The following RHBDD1 variants were observed in gnomAD, a reference collection of about 807,000 sequenced individuals.
The protein encoded by RHBDD1 is rhomboid domain containing 1.
A neutral mutation model predicts 36.3 loss-of-function variants in RHBDD1; 38 were observed. The observed-to-expected ratio is 1.05, with a 90% confidence interval of 0.81 to 1.37. The LOEUF (loss-of-function observed/expected upper bound fraction) is 1.37. Ranked by LOEUF, RHBDD1 falls within the 40% of genes most tolerant of loss-of-function variation. The pLI, the probability that RHBDD1 is intolerant of heterozygous loss-of-function variation, is 0.00. For synonymous variants in RHBDD1, 151 were observed against 136.5 expected (o/e 1.11, Z -0.74); for missense variants, 393 against 377.6 (o/e 1.04, Z -0.34).
intron 5 of RHBDD1, among the ~76,000 whole-genome samples, chr2:226,867,962 C>T (rs560905942): frequency 6.6e-5 from 10 of 152,250 alleles, no homozygotes; most frequent in East Asian, 1.9e-4. Flanking sequence ...TGTGATCTGC[C>T]GGCCTTGGCC....
chr2:226,878,198 T>C (rs1377962309), intron 5 of RHBDD1, among the ~76,000 whole-genome samples: 1 of 152,132 alleles, frequency 6.6e-6, no homozygotes, highest in African/African-American at 2.4e-5. Context: ...GAGCTTCATG[T>C]AGTTAGGGAT....
chr2:226,849,278 T>A (rs988245260), intron 3 of RHBDD1, among the ~76,000 whole-genome samples: 1 of 152,196 alleles, frequency 6.6e-6, no homozygotes, highest in Non-Finnish European at 1.5e-5. Flanking sequence ...CTCCAAGGTA[T>A]AAGGAAAACA....
intron 5 of RHBDD1, among the ~76,000 whole-genome samples, chr2:226,887,115 A>G (rs1320531908): frequency 6.6e-6 from 1 of 152,146 alleles, no homozygotes; most frequent in East Asian, 1.9e-4. Context: ...TTTGAGGATG[A>G]TGTATATTTT....
rs1017204610 is a variant in RHBDD1, at chr2:226,922,202, CT to C, written c.856+7874del. Among the ~76,000 whole-genome samples, 909 of 105,026 alleles carry C rather than the reference CT, an allele frequency of 8.7e-3. 2 individuals carry two copies. Among genetic ancestry groups the C allele is most frequent in the African/African-American group, 0.031 (800 of 26,186 alleles). The allele number at this position is 105,026 out of a possible 152,430, so 68.9% of individuals were successfully genotyped here. A position where few individuals can be genotyped will look rare whatever the true frequency, so the allele number is the denominator to read the frequency against. ...TCCACTGGAATTAAGTATCTTTTTC[CT>C]TTTTTTTTTTTTTTTTTTTTTTGAG... On this transcript the variant is annotated intron_variant, in intron 8 of 8. Transcript: ENST00000392062.
chr2:226,975,794 A>G (rs1286516704), intron 8 of RHBDD1, among the ~76,000 whole-genome samples: 1 of 152,216 alleles, frequency 6.6e-6, no homozygotes, highest in African/African-American at 2.4e-5. Flanking sequence ...ACTACAGATT[A>G]TTTAGAAAAT....
intron 8 of RHBDD1, among the ~76,000 whole-genome samples, chr2:226,957,051 A>G (rs112953942): frequency 8.1e-4 from 123 of 152,336 alleles, no homozygotes; most frequent in African/African-American, 2.7e-3. Flanking sequence ...TCCCATTTGT[A>G]ATAGATCTTA....
chr2:226,869,166 AG>A, intron 5 of RHBDD1: 1 of 985,136 alleles, frequency 1.0e-6, no homozygotes, highest in Non-Finnish European at 1.2e-6. Context: ...TACATGGAAA[AG>A]GGATGGTTGC....
At chr2:226,904,511 CGT>C (rs1315126349) in intron 5 of RHBDD1, among the ~76,000 whole-genome samples, 4 of 150,518 alleles carry the variant, frequency 2.7e-5, no homozygotes, top group East Asian at 2.0e-4. Flanking sequence ...GGTGTGTGTG[CGT>C]GTCTGTGTGT....
the RHBDD1 span, chr2:226,804,025 G>C: frequency 1.3e-5 from 2 of 152,144 alleles, no homozygotes; most frequent in African/African-American, 4.8e-5. Context: ...CAATAATTTG[G>C]TGCTGTGACA....
chr2:226,953,027 C>G (rs1437836355), intron 8 of RHBDD1, among the ~76,000 whole-genome samples: 1 of 152,136 alleles, frequency 6.6e-6, no homozygotes, highest in Non-Finnish European at 1.5e-5. Flanking sequence ...GACCAACTTT[C>G]ATCACATTCC....
chr2:226,931,185 C>T (rs1244835205), intron 8 of RHBDD1, among the ~76,000 whole-genome samples: 1 of 152,058 alleles, frequency 6.6e-6, no homozygotes, highest in Admixed American at 6.6e-5. Context: ...TCATTATGCA[C>T]ACCTGCATGC....
intron 8 of RHBDD1, among the ~76,000 whole-genome samples, chr2:226,966,430 C>T (rs755996993): frequency 1.8e-4 from 28 of 152,112 alleles, no homozygotes; most frequent in Non-Finnish European, 3.5e-4. Context: ...GGACATGCTT[C>T]GTGTTTTCAT....
Position 226,864,949 on chromosome 2 carries a change from G to A in RHBDD1, c.256G>A (p.Ala86Thr). Residue 86 changes from alanine to threonine, a missense_variant, in exon 4 of 9, where the codon GCA becomes ACA. Coordinates refer to ENST00000392062, the MANE Select transcript of RHBDD1 (RefSeq NM_001167608.3). ...ADDWHLYFNM[A>T]SMLWKGINLE... ...TGATTGGCATTTGTATTTCAATATG[G>A]CATCCATGCTCTGGAAAGGAATAAA... is the stretch of plus-strand genomic sequence containing the variant. The A allele has an allele frequency of 2.5e-6, 4 of 1,614,208 alleles. No individual in the cohort carries two copies. Among genetic ancestry groups the A allele is most frequent in the Non-Finnish European group, 3.4e-6 (4 of 1,180,030 alleles).
chr2:226,827,027 T>A, the RHBDD1 span, among the ~76,000 whole-genome samples: 1 of 152,034 alleles, frequency 6.6e-6, no homozygotes, highest in South Asian at 2.1e-4. Context: ...GGAGTGATCA[T>A]GGCTCACTGT....
intron 3 of RHBDD1, among the ~76,000 whole-genome samples, chr2:226,845,703 G>A (rs980408490): frequency 1.3e-5 from 2 of 152,202 alleles, no homozygotes; most frequent in African/African-American, 4.8e-5. Flanking sequence ...GAAGCCATTT[G>A]TTCTTTATGT....
At chr2:226,993,915 C>G (rs931014541) in intron 8 of RHBDD1, among the ~76,000 whole-genome samples, 1 of 152,208 alleles carries the variant, frequency 6.6e-6, no homozygotes, top group East Asian at 1.9e-4. Context: ...TGAAAAGGTG[C>G]CACTCTTGGG....
At chr2:226,803,415 G>T in the RHBDD1 span, among the ~76,000 whole-genome samples, 1 of 152,046 alleles carries the variant, frequency 6.6e-6, no homozygotes. Context: ...TTTTACAGAA[G>T]AGAGGAGCCT....
chr2:226,964,730 C>G (rs563131286), intron 8 of RHBDD1, among the ~76,000 whole-genome samples: 65 of 152,290 alleles, frequency 4.3e-4, no homozygotes, highest in African/African-American at 1.5e-3. Context: ...AGTGAGTAAC[C>G]AAGCCTTCTT....
At chr2:226,817,178 T>C in the RHBDD1 span, among the ~76,000 whole-genome samples, 2 of 152,338 alleles carry the variant, frequency 1.3e-5, no homozygotes, top group South Asian at 2.1e-4. Flanking sequence ...TGTTTATTCC[T>C]TGTGTTTAAG....
Sources: allele counts gnomAD v4.1 joint callset (sites outside exome capture counted in the v4.1 genomes callset), GRCh38; gene constraint gnomAD v4.1.1; transcripts MANE v1.5; gene names NCBI Gene and HGNC (gene_info 2026-07-23, HGNC 2026-07-21).